ITGBL1: variants seen among roughly 807,000 people sequenced by gnomAD.
ITGBL1 encodes integrin beta-like protein 1.
ITGBL1 carries 51 observed loss-of-function variants against 68.5 expected under a neutral mutation model. That is an observed-to-expected ratio of 0.74 (90% CI 0.59 to 0.94). ITGBL1 has a LOEUF of 0.94. ITGBL1 is among the 40% of genes least tolerant of loss of function. The pLI, the probability that ITGBL1 is intolerant of heterozygous loss-of-function variation, is 0.00. For synonymous variants in ITGBL1, 209 were observed against 227.3 expected (o/e 0.92, Z 0.72); for missense variants, 649 against 647.4 (o/e 1.00, Z -0.03).
At chr13:101,518,180 C>G (rs2049226169) in intron 2 of ITGBL1, among the ~76,000 whole-genome samples, 1 of 152,172 alleles carries the variant, frequency 6.6e-6, no homozygotes, top group Admixed American at 6.6e-5. Flanking sequence ...GTTTCCTCTT[C>G]TTTTTAAAGC....
Position 101,671,426 on chromosome 13 carries a change from G to GTTTTTTTTTTTTTTTTTT in ITGBL1, c.1016-21149_1016-21148insTTTTTTTTTTTTTTTTTT, listed in dbSNP as rs66501713. ...AGCTATTTGACAAAAGTATACCTTTGTTTTTTTTTTGTTTTTTTTTGTTTT... is the reference window on the plus strand; with the variant it reads ...AGCTATTTGACAAAAGTATACCTTTGTTTTTTTTTTTTTTTTTTTTTTTTTTTTGTTTTTTTTTGTTTT... On this transcript the variant is annotated intron_variant, in intron 7 of 10. Transcript: ENST00000376180. 2.1e-4 allele frequency among the ~76,000 whole-genome samples: 24 copies of GTTTTTTTTTTTTTTTTTT among 112,648 alleles called. 7 individuals carry two copies. The highest frequency in any genetic ancestry group is 1.1e-3 in the East Asian group (3 of 2,848). 73.9% of individuals were successfully genotyped at this position (112,648 alleles called of 152,430 possible).
chr13:101,622,343 A>C (rs1319755364), intron 7 of ITGBL1, among the ~76,000 whole-genome samples: 1 of 152,104 alleles, frequency 6.6e-6, no homozygotes, highest in Non-Finnish European at 1.5e-5. Flanking sequence ...CTGTCTATAT[A>C]AATTTAATCA....
chr13:101,500,530 A>G (rs2048925234), intron 2 of ITGBL1, among the ~76,000 whole-genome samples: 1 of 152,218 alleles, frequency 6.6e-6, no homozygotes, highest in South Asian at 2.1e-4. Flanking sequence ...CTTTCAAATT[A>G]CATGAATTTA....
chr13:101,606,960 T>G (rs1335428543), intron 7 of ITGBL1, among the ~76,000 whole-genome samples: 1 of 152,028 alleles, frequency 6.6e-6, no homozygotes, highest in Non-Finnish European at 1.5e-5. Context: ...TAATTTATAT[T>G]TTGTATTATA....
intron 2 of ITGBL1, among the ~76,000 whole-genome samples, chr13:101,465,836 T>A (rs2048375351): frequency 6.6e-6 from 1 of 152,210 alleles, no homozygotes; most frequent in South Asian, 2.1e-4. Flanking sequence ...TAAATGAGAT[T>A]CAGCTTATTT....
chr13:101,710,273 G>C (rs554673734), intron 9 of ITGBL1, among the ~76,000 whole-genome samples: 1 of 152,324 alleles, frequency 6.6e-6, no homozygotes, highest in South Asian at 2.1e-4. Flanking sequence ...CCGGCCTCCG[G>C]ACTGTTGGCA....
intron 3 of ITGBL1, among the ~76,000 whole-genome samples, chr13:101,570,898 G>A (rs1244204250): frequency 6.6e-6 from 1 of 152,068 alleles, no homozygotes; most frequent in East Asian, 1.9e-4. Context: ...TCATTTATGA[G>A]GCCTAACTGG....
chr13:101,545,667 T>C (rs1377388353), intron 2 of ITGBL1, among the ~76,000 whole-genome samples: 1 of 151,952 alleles, frequency 6.6e-6, no homozygotes, highest in Non-Finnish European at 1.5e-5. Context: ...AAGGAAAAAA[T>C]CTAATGGGAG....
chr13:101,464,492 T>C (rs2048356465), intron 2 of ITGBL1, among the ~76,000 whole-genome samples: 1 of 152,060 alleles, frequency 6.6e-6, no homozygotes, highest in Non-Finnish European at 1.5e-5. Flanking sequence ...ATTATGTATA[T>C]GTATACATAG....
At chr13:101,612,116 G>A (rs188653511) in intron 7 of ITGBL1, among the ~76,000 whole-genome samples, 2 of 152,180 alleles carry the variant, frequency 1.3e-5, no homozygotes, top group African/African-American at 4.8e-5. Flanking sequence ...TTTGGATAAA[G>A]GCAAAAAGGC....
intron 2 of ITGBL1, among the ~76,000 whole-genome samples, chr13:101,505,983 G>A (rs926850800): frequency 3.9e-5 from 6 of 152,138 alleles, no homozygotes; most frequent in African/African-American, 9.7e-5. Flanking sequence ...GCTGCATGTC[G>A]GCCCTGGGAT....
At chr13:101,523,399 C>T (rs116575184) in intron 2 of ITGBL1, among the ~76,000 whole-genome samples, 1,724 of 152,258 alleles carry the variant, frequency 0.011, 28 homozygotes, top group African/African-American at 0.039. Flanking sequence ...GCGTGCAGTT[C>T]ACCACCCACT....
intron 7 of ITGBL1, among the ~76,000 whole-genome samples, chr13:101,642,632 C>T (rs1192095603): frequency 6.6e-6 from 1 of 151,738 alleles, no homozygotes; most frequent in Non-Finnish European, 1.5e-5. Flanking sequence ...ACATGAAGTC[C>T]TTGCCCATGC....
chr13:101,642,358 C>G (rs2032410835), intron 7 of ITGBL1, among the ~76,000 whole-genome samples: 1 of 152,172 alleles, frequency 6.6e-6, no homozygotes, highest in Non-Finnish European at 1.5e-5. Context: ...GCATAAATGT[C>G]TTCTTTTGAG....
In ITGBL1 at chr13:101,605,034, ACATATACG is replaced by A. The variant is rs1338669511; in HGVS notation, c.1015+6742_1015+6749del. 4.5e-5 allele frequency among the ~76,000 whole-genome samples: 5 copies of A among 111,540 alleles called. No homozygotes were observed. In the South Asian group the frequency reaches 1.4e-3, roughly 32 times the overall value. The allele number at this position is 111,540 out of a possible 152,430, so 73.2% of individuals were successfully genotyped here. On this transcript the variant is annotated intron_variant, in intron 7 of 10. Coordinates refer to ENST00000376180, the MANE Select transcript of ITGBL1 (RefSeq NM_004791.3). ...TGCGTATATGTGTATATGTATATATACATATACGCATATATGTGTATATGTGTATATGT... is the reference window on the plus strand; with the variant it reads ...TGCGTATATGTGTATATGTATATATACATATATGTGTATATGTGTATATGT...
chr13:101,652,354 G>A (rs2032780621), intron 7 of ITGBL1, among the ~76,000 whole-genome samples: 1 of 152,058 alleles, frequency 6.6e-6, no homozygotes, highest in African/African-American at 2.4e-5. Flanking sequence ...GTGACCTTAT[G>A]TAAGTTACCT....
chr13:101,498,286 C>T (rs1032516216), intron 2 of ITGBL1, among the ~76,000 whole-genome samples: 2 of 152,100 alleles, frequency 1.3e-5, no homozygotes, highest in Non-Finnish European at 2.9e-5. Flanking sequence ...ATGTATTTCC[C>T]TTGCAGATGT....
At chr13:101,512,060 G>A (rs961993818) in intron 2 of ITGBL1, among the ~76,000 whole-genome samples, 5 of 152,114 alleles carry the variant, frequency 3.3e-5, no homozygotes, top group African/African-American at 1.2e-4. Context: ...CTGACAAATA[G>A]TAGCAGTTAC....
chr13:101,490,806 T>C (rs2048765177), intron 2 of ITGBL1, among the ~76,000 whole-genome samples: 1 of 152,208 alleles, frequency 6.6e-6, no homozygotes, highest in South Asian at 2.1e-4. Context: ...GACAGATTTA[T>C]AGAGAGAAGG....
Sources: allele counts gnomAD v4.1 joint callset (sites outside exome capture counted in the v4.1 genomes callset), GRCh38; gene constraint gnomAD v4.1.1; transcripts MANE v1.5; gene names NCBI Gene and HGNC (gene_info 2026-07-23, HGNC 2026-07-21).